The following ADGRV1 variants were observed in gnomAD, a reference collection of about 807,000 sequenced individuals.
ADGRV1 encodes G-protein coupled receptor 98.
A neutral mutation model predicts 596.2 loss-of-function variants in ADGRV1; 359 were observed. That is an observed-to-expected ratio of 0.60 (90% CI 0.55 to 0.66). The LOEUF (loss-of-function observed/expected upper bound fraction) is 0.66. Among genes scored for constraint, ADGRV1 ranks in the 30% least tolerant of loss-of-function variants. The probability of loss-of-function intolerance (pLI) is 0.00; values close to 1 mark genes in which losing one functional copy is unlikely to be tolerated. For missense variants in ADGRV1, 7,274 were observed against 7,575.6 expected, an observed-to-expected ratio of 0.96 and a Z score of 1.48; for synonymous variants, 2,681 against 2,679.2, an observed-to-expected ratio of 1.00 and a Z score of -0.02.
At chr5:91,149,290 T>C (rs1251202975) in intron 87 of ADGRV1, among the ~76,000 whole-genome samples, 1 of 152,214 alleles carries the variant, frequency 6.6e-6, no homozygotes, top group East Asian at 1.9e-4. Flanking sequence ...ATAATCCCCA[T>C]GTGTCAAGGG....
At chr5:90,614,786 A>G in intron 1 of ADGRV1, 49 bp from the exon 2 acceptor site, 1 of 1,278,962 alleles carries the variant, frequency 7.8e-7, no homozygotes, top group Non-Finnish European at 1.1e-6. Flanking sequence ...ATCTAATGAG[A>G]ATAGATTAGA....
Position 91,159,348 on chromosome 5 carries a change from T to G in ADGRV1, c.18803-4434T>G, listed in dbSNP as rs115190072. 8.7e-3 allele frequency among the ~76,000 whole-genome samples: 1,318 copies of G among 152,326 alleles called. 18 individuals carry two copies. Among genetic ancestry groups the G allele is most frequent in the African/African-American group, 0.029 (1,211 of 41,572 alleles). The stretch of plus-strand genomic sequence containing the variant: ...TCTGATGTGGGCAAGACAGTGTTTT[T>G]GAAGCCACTGTGTTAGTGCATACTT... On this transcript the variant is annotated intron_variant, in intron 89 of 89. Transcript: ENST00000405460.
intron 89 of ADGRV1, among the ~76,000 whole-genome samples, chr5:91,162,448 G>A (rs1322350321): frequency 6.6e-6 from 1 of 152,132 alleles, no homozygotes; most frequent in Non-Finnish European, 1.5e-5. Flanking sequence ...GTGACCTGCT[G>A]CTCCGTGTCC....
intron 50 of ADGRV1, among the ~76,000 whole-genome samples, chr5:90,732,211 C>CTGGAGTTT (rs1752644806): frequency 6.6e-6 from 1 of 152,022 alleles, no homozygotes; most frequent in Admixed American, 6.6e-5. Flanking sequence ...TTTGTGTTGC[C>CTGGAGTTT]CAGCCTGGTC....
chr5:90,734,854 G>C (rs1376044200), intron 50 of ADGRV1, among the ~76,000 whole-genome samples: 2 of 152,106 alleles, frequency 1.3e-5, no homozygotes, highest in African/African-American at 4.8e-5. Flanking sequence ...CCCTGGGCCC[G>C]GCCTAGCCTA....
rs1755937824 is a variant in ADGRV1 at position 90,757,291 on chromosome 5, C to T, written c.11940+130C>T. 1.8e-5 allele frequency: 12 copies of T among 650,082 alleles called. No homozygotes were observed. In the South Asian group the frequency reaches 2.4e-4, roughly 13 times the overall value. The allele number at this position is 650,082 out of a possible 1,614,324, so 40.3% of individuals were successfully genotyped here. A position where few individuals can be genotyped will look rare whatever the true frequency, so the allele number is the denominator to read the frequency against. On this transcript the variant is annotated intron_variant, in intron 57 of 89. Transcript: ENST00000405460. Reference sequence around the variant, plus strand: ...CTAAATGTTTCTATGTTAAGTCAAACAAATATTATTAATTGAAATACAATT... The same window carrying T: ...CTAAATGTTTCTATGTTAAGTCAAATAAATATTATTAATTGAAATACAATT...
At chr5:91,112,411 T>C (rs1792452804) in intron 87 of ADGRV1, among the ~76,000 whole-genome samples, 1 of 152,236 alleles carries the variant, frequency 6.6e-6, no homozygotes, top group Non-Finnish European at 1.5e-5. Context: ...GTTAATAACA[T>C]GCTTTTCCTG....
At chr5:90,736,133 G>T (rs956770190) in intron 50 of ADGRV1, among the ~76,000 whole-genome samples, 4 of 151,980 alleles carry the variant, frequency 2.6e-5, no homozygotes, top group Admixed American at 2.6e-4. Context: ...GACTTTTATT[G>T]TACTGAAGTA....
At chr5:90,982,175 T>G (rs1039165021) in intron 84 of ADGRV1, among the ~76,000 whole-genome samples, 1 of 152,240 alleles carries the variant, frequency 6.6e-6, no homozygotes, top group African/African-American at 2.4e-5. Context: ...AATTCATTGT[T>G]TAATATGAGA....
chr5:91,021,637 C>T (rs1439978650), intron 85 of ADGRV1, among the ~76,000 whole-genome samples: 1 of 152,024 alleles, frequency 6.6e-6, no homozygotes, highest in Non-Finnish European at 1.5e-5. Flanking sequence ...GAATCTTTAC[C>T]AAGGAAGTGC....
chr5:91,016,282 G>T (rs183853474), intron 85 of ADGRV1, among the ~76,000 whole-genome samples: 1 of 152,062 alleles, frequency 6.6e-6, no homozygotes, highest in East Asian at 1.9e-4. Context: ...TTCAGGTATT[G>T]TGTGGTAGGA....
chr5:91,104,750 A>G lies in ADGRV1; in HGVS notation c.18432+2410A>G, dbSNP rs149576220. Among the ~76,000 whole-genome samples the G allele has an allele frequency of 1.1e-3, 173 of 152,296 alleles. 1 individual carries two copies. The East Asian group carries it at 0.024, about 21-fold the overall frequency. ...GTCCTCCAGTTCCATCTATGTTGCC[A>G]TAAATAATATTGGGTTGATGCAAAA... On this transcript the variant is annotated intron_variant, in intron 87 of 89. Coordinates refer to ENST00000405460, the MANE Select transcript of ADGRV1 (RefSeq NM_032119.4).
In ADGRV1 at chr5:91,049,636, A is replaced by C. The variant is rs901111866; in HGVS notation, c.18153-22811A>C. Among the ~76,000 whole-genome samples the C allele has an allele frequency of 9.8e-5, 15 of 152,362 alleles. No homozygotes were observed. The East Asian group carries it at 2.5e-3, about 25-fold the overall frequency. ...ATGTAATTCTGGATAGCTTGTGTTTAGGCAAACACTGGGATTTAAGGGATG... is the reference window on the plus strand; with the variant it reads ...ATGTAATTCTGGATAGCTTGTGTTTCGGCAAACACTGGGATTTAAGGGATG... On this transcript the variant is annotated intron_variant, in intron 85 of 89. Coordinates refer to ENST00000405460, the MANE Select transcript of ADGRV1 (RefSeq NM_032119.4).
chr5:91,142,154 C>G (rs1795150290), intron 87 of ADGRV1, among the ~76,000 whole-genome samples: 1 of 152,204 alleles, frequency 6.6e-6, no homozygotes, highest in African/African-American at 2.4e-5. Flanking sequence ...ACACATCCCT[C>G]AGACCCATGA....
At position 90,789,864 on chromosome 5, in the gene ADGRV1, AT is replaced by A. The variant is rs1172465876; in HGVS notation, c.14043+16del. 17 of 1,339,040 alleles carry A rather than the reference AT, an allele frequency of 1.3e-5. No individual in the cohort carries two copies. Among genetic ancestry groups the A allele is most frequent in the Non-Finnish European group, 1.6e-5 (17 of 1,032,512 alleles). The allele number at this position is 1,339,040 out of a possible 1,614,324, so 82.9% of individuals were successfully genotyped here. ...TGGAGAGATTATGGTATTACTTTTC[AT>A]TTGATTTTTCAAAGTACCAGTTTGC... On this transcript the variant is annotated intron_variant, in intron 69 of 89. Transcript: ENST00000405460.
chr5:90,991,500 G>C (rs1174387996), intron 85 of ADGRV1, among the ~76,000 whole-genome samples: 3 of 152,128 alleles, frequency 2.0e-5, no homozygotes, highest in Non-Finnish European at 4.4e-5. Context: ...GGCCAGGCTA[G>C]TCTCAAACTC....
intron 83 of ADGRV1, among the ~76,000 whole-genome samples, chr5:90,879,421 G>A (rs1581402802): frequency 6.6e-6 from 1 of 152,124 alleles, no homozygotes; most frequent in Non-Finnish European, 1.5e-5. Context: ...CAGAAGGTAG[G>A]ATGTTATGGA....
At chr5:91,035,780 G>A (rs889798761) in intron 85 of ADGRV1, among the ~76,000 whole-genome samples, 10 of 143,758 alleles carry the variant, frequency 7.0e-5, no homozygotes, top group South Asian at 2.2e-4. Context: ...CTATAACATC[G>A]AATAATAATA....
intron 77 of ADGRV1, among the ~76,000 whole-genome samples, chr5:90,834,604 A>G (rs1359191857): frequency 6.6e-6 from 1 of 150,962 alleles, no homozygotes; most frequent in Non-Finnish European, 1.5e-5. Flanking sequence ...GAGTTTGATT[A>G]TTAAATGCCT....
Sources: gnomAD v4.1 joint callset for allele counts (sites outside exome capture counted in the v4.1 genomes callset) on GRCh38, gnomAD v4.1.1 for gene constraint, MANE v1.5 for transcripts, NCBI Gene and HGNC (gene_info 2026-07-23, HGNC 2026-07-21) for gene names.